Variants in CFAP99 observed in about 807,000 individuals in gnomAD.
CFAP99 encodes the protein cilia- and flagella-associated protein 99.
Under a neutral mutation model 82.7 loss-of-function variants are expected in CFAP99, and 84 were observed. That is an observed-to-expected ratio of 1.02 (90% CI 0.85 to 1.22). CFAP99 has a LOEUF of 1.22. Ranked by LOEUF, CFAP99 falls within the 50% of genes most tolerant of loss-of-function variation. The pLI, the probability that CFAP99 is intolerant of heterozygous loss-of-function variation, is 0.00. For synonymous variants in CFAP99, 456 were observed against 429.5 expected (o/e 1.06, Z -0.76); for missense variants, 1,059 against 983.5 (o/e 1.08, Z -1.03).
At chr4:2,435,276 G>T (rs371182228) in intron 2 of CFAP99, among the ~76,000 whole-genome samples, 1 of 141,924 alleles carries the variant, frequency 7.0e-6, no homozygotes, top group Non-Finnish European at 1.5e-5. Flanking sequence ...CAGCCTGGGC[G>T]ACAGAGCAAG....
At chr4:2,459,989 G>C (rs541565806) in intron 13 of CFAP99, 48 bp from the exon 14 acceptor site, 14 of 1,512,296 alleles carry the variant, frequency 9.3e-6, no homozygotes, top group East Asian at 2.5e-5. Context: ...GGGAAGCATC[G>C]GGGCCCAGCA....
At chr4:2,451,904 C>G (rs1734310865) in intron 10 of CFAP99, among the ~76,000 whole-genome samples, 1 of 145,344 alleles carries the variant, frequency 6.9e-6, no homozygotes, top group African/African-American at 2.6e-5. Flanking sequence ...GGTAGACAAA[C>G]AAGTGGATGA....
chr4:2,454,581 C>CTTTTT (rs200727697), intron 11 of CFAP99, among the ~76,000 whole-genome samples: 1 of 94,720 alleles, frequency 1.1e-5, no homozygotes, highest in Non-Finnish European at 2.1e-5. Context: ...TGTTTTTTTT[C>CTTTTT]TTTTTTTTTT....
intron 3 of CFAP99, 35 bp downstream of exon 3, chr4:2,437,053 A>G (rs1253698263): frequency 6.5e-6 from 10 of 1,535,220 alleles, no homozygotes; most frequent in Non-Finnish European, 8.7e-6. Context: ...GCCAGGCCGT[A>G]GAGACGGTTC....
At chr4:2,439,471 G>C (rs1026752762) in intron 4 of CFAP99, among the ~76,000 whole-genome samples, 73 of 152,178 alleles carry the variant, frequency 4.8e-4, no homozygotes, top group African/African-American at 1.6e-3. Flanking sequence ...AGAAGTGGGA[G>C]ACCTGGAGTG....
At chr4:2,426,635 G>A (rs1416255881) in intron 2 of CFAP99, 49 bp downstream of exon 2, 1 of 1,204,370 alleles carries the variant, frequency 8.3e-7, no homozygotes, top group East Asian at 2.5e-5. Context: ...GGCACCTGTT[G>A]TGCAGCTGTT....
At chr4:2,435,678 C>G (rs904841671) in intron 2 of CFAP99, among the ~76,000 whole-genome samples, 5 of 152,176 alleles carry the variant, frequency 3.3e-5, no homozygotes, top group African/African-American at 1.2e-4. Flanking sequence ...AATCCCAACA[C>G]TTTGGGAGGC....
chr4:2,440,588 C>G (rs972791826), intron 4 of CFAP99, among the ~76,000 whole-genome samples: 5 of 151,336 alleles, frequency 3.3e-5, no homozygotes, highest in Non-Finnish European at 7.4e-5. Context: ...CCCATCTCTA[C>G]AAAAAAATAT....
intron 1 of CFAP99, among the ~76,000 whole-genome samples, chr4:2,422,884 G>A (rs1733612320): frequency 6.6e-6 from 1 of 152,200 alleles, no homozygotes; most frequent in Non-Finnish European, 1.5e-5. Context: ...ATAGCCCAAA[G>A]CACCTTCAAC....
At chr4:2,437,293 G>A (rs1430091211) in intron 3 of CFAP99, among the ~76,000 whole-genome samples, 1 of 152,216 alleles carries the variant, frequency 6.6e-6, no homozygotes, top group Non-Finnish European at 1.5e-5. Context: ...CAACACGAGA[G>A]CCTTCCGTAG....
Position 2,454,748 on chromosome 4 carries a change from C to A in CFAP99, c.1161+2402C>A, listed in dbSNP as rs537174831. Among the ~76,000 whole-genome samples, 7 of 150,544 alleles carry A rather than the reference C, an allele frequency of 4.6e-5. No individual in the cohort carries two copies. The East Asian group carries it at 9.9e-4, about 21-fold the overall frequency. On this transcript the variant is annotated intron_variant, in intron 11 of 14. Transcript: ENST00000635017. ...GCGGTTATCCTGCCTCAGCCTCCTG[C>A]GTAGCCGGGACCACAGATGCACACC...
chr4:2,451,404 G>A, intron 10 of CFAP99, 52 bp downstream of exon 10: 3 of 1,515,770 alleles, frequency 2.0e-6, no homozygotes, highest in Non-Finnish European at 2.7e-6. Context: ...ACCCTTGAGA[G>A]GAAAGGCTCA....
chr4:2,453,405 G>A (rs1399043550), intron 11 of CFAP99, among the ~76,000 whole-genome samples: 1 of 152,140 alleles, frequency 6.6e-6, no homozygotes, highest in Non-Finnish European at 1.5e-5. Context: ...AACTGGATAC[G>A]CAGGAGTCCT....
chr4:2,458,470 G>A (rs1459842971), intron 11 of CFAP99, among the ~76,000 whole-genome samples: 1 of 152,160 alleles, frequency 6.6e-6, no homozygotes, highest in Non-Finnish European at 1.5e-5. Flanking sequence ...AAACTGGGTG[G>A]CTTCAGATGC....
intron 1 of CFAP99, among the ~76,000 whole-genome samples, chr4:2,424,145 G>A (rs559516628): frequency 4.6e-5 from 7 of 152,348 alleles, no homozygotes; most frequent in African/African-American, 9.6e-5. Flanking sequence ...ACAGCCTGGC[G>A]TGGTGGCTCA....
At chr4:2,461,624 G>A (rs1265867998) in intron 14 of CFAP99, among the ~76,000 whole-genome samples, 4 of 152,162 alleles carry the variant, frequency 2.6e-5, no homozygotes, top group Admixed American at 2.6e-4. Context: ...GCCTCCAAAG[G>A]TCTACCTCCT....
intron 2 of CFAP99, chr4:2,427,616 A>C (rs909805758): frequency 1.3e-5 from 2 of 152,560 alleles, no homozygotes; most frequent in Admixed American, 6.5e-5. Flanking sequence ...AACTTGGCCT[A>C]TGTGCGCTGC....
At chr4:2,425,395 C>G (rs1010907101) in intron 1 of CFAP99, among the ~76,000 whole-genome samples, 2 of 152,138 alleles carry the variant, frequency 1.3e-5, no homozygotes, top group African/African-American at 4.8e-5. Flanking sequence ...TCACCAAGGA[C>G]CCTCCAGTGT....
At chr4:2,434,809 T>G (rs1043793447) in intron 2 of CFAP99, among the ~76,000 whole-genome samples, 2 of 152,230 alleles carry the variant, frequency 1.3e-5, no homozygotes, top group African/African-American at 4.8e-5. Context: ...GCAGAGCTGC[T>G]GAAGCCTGTA....
Sources: gnomAD v4.1 joint callset for allele counts (sites outside exome capture counted in the v4.1 genomes callset) on GRCh38, gnomAD v4.1.1 for gene constraint, MANE v1.5 for transcripts, NCBI Gene and HGNC (gene_info 2026-07-23, HGNC 2026-07-21) for gene names.